The following PNPLA7 variants were observed in gnomAD, a reference collection of about 807,000 sequenced individuals.
The protein encoded by PNPLA7 is patatin-like phospholipase domain-containing protein 7.
Under a neutral mutation model 161.7 loss-of-function variants are expected in PNPLA7, and 153 were observed. The observed-to-expected ratio is 0.95, with a 90% CI of 0.83 to 1.08. PNPLA7 has a LOEUF of 1.08. PNPLA7 is among the 50% of genes least tolerant of loss of function. The pLI, the probability that PNPLA7 is intolerant of heterozygous loss-of-function variation, is 0.00. For synonymous variants in PNPLA7, 809 were observed against 782.1 expected (o/e 1.03, Z -0.57); for missense variants, 1,739 against 1,856.6 (o/e 0.94, Z 1.16).
In PNPLA7 at chr9:137,520,754, C is replaced by T. The variant is rs1834941716; in HGVS notation, c.958-711G>A. Among the ~76,000 whole-genome samples the T allele has an allele frequency of 6.6e-6, 1 of 152,224 alleles. No homozygotes were observed. The highest frequency in any genetic ancestry group is 1.5e-5 in the Non-Finnish European group (1 of 68,032). ...CAAGTGCCTCCCAGGGTCACACCGC[C>T]AGGAGGAGGGAGAGCCGGGGTTGAC... On this transcript the variant is annotated intron_variant, in intron 10 of 34. Transcript: ENST00000406427. This position sits in a 1 kb window ranked among gnomAD's most constrained non-coding sequence, Gnocchi z 5.2.
chr9:137,528,337 A>C (rs1404690489), intron 8 of PNPLA7, among the ~76,000 whole-genome samples: 1 of 151,944 alleles, frequency 6.6e-6, no homozygotes, highest in Non-Finnish European at 1.5e-5. Flanking sequence ...TGGGTCACTG[A>C]TCTGAGACTT....
At chr9:137,526,645 C>T (rs1169821221) in intron 8 of PNPLA7, among the ~76,000 whole-genome samples, 1 of 152,184 alleles carries the variant, frequency 6.6e-6, no homozygotes, top group Non-Finnish European at 1.5e-5. Context: ...TCACAGGAAT[C>T]CCTGAAGTTG....
chr9:137,536,444 A>G (rs1199912355), intron 8 of PNPLA7, among the ~76,000 whole-genome samples: 1 of 152,086 alleles, frequency 6.6e-6, no homozygotes, highest in Non-Finnish European at 1.5e-5. Context: ...TTCCCAGAGC[A>G]AAAAAGCATT....
rs560596524 is a variant in PNPLA7 at position 137,462,695 on chromosome 9, G to A, written c.3482C>T (p.Thr1161Met). ...LLWKRWNPLATKVKVLNMAEI... is the reference protein window; with the variant it reads ...LLWKRWNPLAMKVKVLNMAEI... ...CCGGTAGCACCCCACCTTGACTTTC[G>A]TGGCCAAGGGGTTCCAGCGTTTCCA... is the stretch of plus-strand genomic sequence containing the variant. The change falls in exon 30 of 35, where the codon ACG (threonine) becomes ATG (methionine). Residue 1161 changes from threonine to methionine, a missense_variant. Physicochemically the swap from Thr to Met is moderately conservative, Grantham distance 81. Around this residue, in one of 6 missense-constraint regions of PNPLA7, gnomAD observed 703 missense variants for 694.6 expected, o/e 1.01. Transcript: ENST00000406427. The A allele has an allele frequency of 1.7e-5, 27 of 1,613,738 alleles. No individual in the cohort carries two copies. The highest frequency in any genetic ancestry group is 1.7e-4 in the Middle Eastern group (1 of 6,058).
chr9:137,509,498 G>A (rs910975045), intron 12 of PNPLA7: 10 of 249,962 alleles, frequency 4.0e-5, no homozygotes, highest in South Asian at 8.2e-5. Context: ...GAGTTTAGCC[G>A]GCGTGAGTGA....
rs1244591295 is a variant in PNPLA7, at chr9:137,467,046, AC to A, written c.3039+270del. 1.3e-5 allele frequency among the ~76,000 whole-genome samples: 2 copies of A among 149,352 alleles called. No individual in the cohort carries two copies. Among genetic ancestry groups the A allele is most frequent in the African/African-American group, 5.0e-5 (2 of 39,938 alleles). ...CCCACCACCGTCTCCATCACCTCAG[AC>A]CCGGGCACAGATCAGACCACCTCCC... is the stretch of plus-strand genomic sequence containing the variant. On this transcript the variant is annotated intron_variant, in intron 26 of 34. Transcript: ENST00000406427. This position sits in a 1 kb window ranked among gnomAD's most constrained non-coding sequence, Gnocchi z 5.1.
At chr9:137,501,969 A>G (rs1833452024) in intron 14 of PNPLA7, among the ~76,000 whole-genome samples, 1 of 152,256 alleles carries the variant, frequency 6.6e-6, no homozygotes, top group Non-Finnish European at 1.5e-5. Flanking sequence ...AAGGCAGAAA[A>G]TGCAGAAACA....
chr9:137,491,940 C>T (rs560285730), intron 20 of PNPLA7: 60 of 985,408 alleles, frequency 6.1e-5, no homozygotes, highest in African/African-American at 5.1e-4. Flanking sequence ...TGTGCTGAGA[C>T]GGAGATGCAG....
chr9:137,468,619 G>A lies in PNPLA7; in HGVS notation c.2883-1146C>T, dbSNP rs908699614. 6.6e-6 allele frequency among the ~76,000 whole-genome samples: 1 copy of A among 152,050 alleles called. No individual in the cohort carries two copies. The highest frequency in any genetic ancestry group is 1.5e-5 in the Non-Finnish European group (1 of 68,008). ...TGAATTTTAATCCTCAGTGTTGGAGGAGGGACCCGGTGGGAGGTAACTGGA... is the reference window on the plus strand; with the variant it reads ...TGAATTTTAATCCTCAGTGTTGGAGAAGGGACCCGGTGGGAGGTAACTGGA... On this transcript the variant is annotated intron_variant, in intron 25 of 34. Coordinates refer to ENST00000406427, the MANE Select transcript of PNPLA7 (RefSeq NM_001098537.3). This position sits in a 1 kb window ranked among gnomAD's most constrained non-coding sequence, Gnocchi z 4.0.
chr9:137,525,117 C>A (rs1420624183), intron 8 of PNPLA7, among the ~76,000 whole-genome samples: 1 of 152,184 alleles, frequency 6.6e-6, no homozygotes, highest in East Asian at 1.9e-4. Context: ...GTGACTAGAT[C>A]CAGGGGTGTC....
chr9:137,508,522 G>T (rs766051176), intron 12 of PNPLA7, among the ~76,000 whole-genome samples: 1 of 151,310 alleles, frequency 6.6e-6, no homozygotes, highest in African/African-American at 2.4e-5. Flanking sequence ...AGCTGAGATC[G>T]CACTATTGCA....
chr9:137,484,533 C>T (rs1832370390), intron 21 of PNPLA7, 54 bp downstream of exon 21: 3 of 1,509,148 alleles, frequency 2.0e-6, no homozygotes, highest in Admixed American at 2.0e-5. Flanking sequence ...GGCAGGCGCC[C>T]TCCACCAGGC....
chr9:137,514,559 T>C (rs1834417999), intron 12 of PNPLA7, among the ~76,000 whole-genome samples: 1 of 137,426 alleles, frequency 7.3e-6, no homozygotes, highest in African/African-American at 2.8e-5. Context: ...GATGTTGAGG[T>C]GCCCGGGCCC....
rs960785182 is a variant in PNPLA7 at position 137,532,665 on chromosome 9, C to T, written c.747+7977G>A. Among the ~76,000 whole-genome samples the T allele has an allele frequency of 3.9e-5, 6 of 152,114 alleles. No individual in the cohort carries two copies. The South Asian group carries it at 1.0e-3, about 26-fold the overall frequency. On this transcript the variant is annotated intron_variant, in intron 8 of 34. Transcript: ENST00000406427. ...ACACTTGGTTTTAGAGGTGCAGAAC[C>T]TGGACAGAGAGGACTGGTCCTCACT...
rs1290725547 is a variant in PNPLA7 at position 137,478,045 on chromosome 9, TC to T, written c.2870del (p.Gly957GlufsTer59). ...TGNAIALVLG[G>X]GGARGCAQVG... is the part of the protein sequence containing the mutation. ...GCGGGGGGACTCACCTTGCTCCCCCTCCCCCAAGCACCAGGGCAATGGCGTT... is the reference window on the plus strand; with the variant it reads ...GCGGGGGGACTCACCTTGCTCCCCCTCCCCAAGCACCAGGGCAATGGCGTT... On this transcript the variant is annotated frameshift_variant, in exon 25 of 35. Coordinates refer to ENST00000406427, the MANE Select transcript of PNPLA7 (RefSeq NM_001098537.3). LOFTEE classifies it high-confidence loss of function. 7 of 1,426,788 alleles carry T rather than the reference TC, an allele frequency of 4.9e-6. No individual in the cohort carries two copies. Among genetic ancestry groups the T allele is most frequent in the East Asian group, 2.9e-5 (1 of 34,276 alleles). 88.4% of individuals were successfully genotyped at this position (1,426,788 alleles called of 1,614,324 possible).
chr9:137,545,195 G>T (rs911005787), intron 4 of PNPLA7, among the ~76,000 whole-genome samples: 1 of 152,084 alleles, frequency 6.6e-6, no homozygotes, highest in South Asian at 2.1e-4. Flanking sequence ...TGTGAAACTC[G>T]GATCCCTGAG....
chr9:137,505,924 G>T, intron 13 of PNPLA7, 59 bp downstream of exon 13: 4 of 1,549,466 alleles, frequency 2.6e-6, no homozygotes, highest in Non-Finnish European at 3.5e-6. Flanking sequence ...CAATGCACCA[G>T]CAAGCCACGG....
At chr9:137,518,635 G>A (rs377566649) in intron 11 of PNPLA7, among the ~76,000 whole-genome samples, 1 of 56,454 alleles carries the variant, frequency 1.8e-5, no homozygotes, top group Admixed American at 2.1e-4. Flanking sequence ...ACTCCACTCT[G>A]CTCACTCCAT....
At chr9:137,493,396 G>A (rs1832877618) in intron 19 of PNPLA7, among the ~76,000 whole-genome samples, 1 of 152,254 alleles carries the variant, frequency 6.6e-6, no homozygotes, top group Non-Finnish European at 1.5e-5. Flanking sequence ...AGGGCAGGCA[G>A]ACAACTCCAA....
Sources: gnomAD v4.1 joint callset for allele counts (sites outside exome capture counted in the v4.1 genomes callset) on GRCh38, gnomAD v4.1.1 for gene constraint, gnomAD v4.1.1 regional missense constraint, Gnocchi (gnomAD v3.1) non-coding constraint, MANE v1.5 for transcripts, NCBI Gene and HGNC (gene_info 2026-07-23, HGNC 2026-07-21) for gene names.